Variants in ERBB4 observed in about 807,000 individuals in gnomAD.
The protein encoded by ERBB4 is erb-b2 receptor tyrosine kinase 4, also known as receptor tyrosine-protein kinase erbB-4.
Under a neutral mutation model 158.0 loss-of-function variants are expected in ERBB4, and 42 were observed. The observed-to-expected ratio is 0.27, with a 90% CI of 0.21 to 0.34. The LOEUF (loss-of-function observed/expected upper bound fraction) is 0.34. Among genes scored for constraint, ERBB4 ranks in the 10% least tolerant of loss-of-function variants. The pLI, the probability that ERBB4 is intolerant of heterozygous loss-of-function variation, is 1.00. For missense variants in ERBB4, 1,333 were observed against 1,624.1 expected, an observed-to-expected ratio of 0.82 and a Z score of 3.08; for synonymous variants, 583 against 558.7, an observed-to-expected ratio of 1.04 and a Z score of -0.61.
chr2:212,134,676 C>CTTTTTTTT (rs869141215), intron 1 of ERBB4, among the ~76,000 whole-genome samples: 8 of 69,060 alleles, frequency 1.2e-4, no homozygotes, highest in East Asian at 8.3e-4. Flanking sequence ...TAAACACTTT[C>CTTTTTTTT]TTTTTTTTTT....
In ERBB4 at chr2:212,166,009, A is replaced by C. The variant is rs184517430; in HGVS notation, c.83-41106T>G. Among the ~76,000 whole-genome samples, 463 of 152,198 alleles carry C rather than the reference A, an allele frequency of 3.0e-3. 4 individuals carry two copies. Among genetic ancestry groups the C allele is most frequent in the African/African-American group, 0.011 (451 of 41,572 alleles). Reference sequence around the variant, plus strand: ...CATAGATCTATTGTTTTGGTGACATAATTCTTATTTACATTTTAGAAAGTT... The same window carrying C: ...CATAGATCTATTGTTTTGGTGACATCATTCTTATTTACATTTTAGAAAGTT... On this transcript the variant is annotated intron_variant, in intron 1 of 27. Transcript: ENST00000342788.
chr2:212,153,246 G>A (rs2080927680), intron 1 of ERBB4, among the ~76,000 whole-genome samples: 1 of 152,104 alleles, frequency 6.6e-6, no homozygotes, highest in South Asian at 2.1e-4. Context: ...TCTCATCCAG[G>A]TTCCCTGTAC....
intron 17 of ERBB4, among the ~76,000 whole-genome samples, chr2:211,625,104 G>A (rs959680335): frequency 4.6e-5 from 7 of 152,026 alleles, no homozygotes; most frequent in African/African-American, 9.7e-5. Context: ...GAGAGGCTCT[G>A]GGTACCAAAA....
rs556344491 is a variant in ERBB4 at position 211,840,111 on chromosome 2, C to T, written c.422-51952G>A. On this transcript the variant is annotated intron_variant, in intron 3 of 27. Transcript: ENST00000342788. ...CAAATCTCATCTTGAATTGTAACTC[C>T]CATAATTCCCACGTGTTGTGGGAGG... Among the ~76,000 whole-genome samples, 10 of 152,058 alleles carry T rather than the reference C, an allele frequency of 6.6e-5. No individual in the cohort carries two copies. In the South Asian group the frequency reaches 2.1e-3, roughly 32 times the overall value.
chr2:211,828,480 C>T (rs917070443), intron 3 of ERBB4, among the ~76,000 whole-genome samples: 1 of 152,092 alleles, frequency 6.6e-6, no homozygotes, highest in African/African-American at 2.4e-5. Context: ...AGGGTCATCA[C>T]AATGCTGCAG....
intron 19 of ERBB4, among the ~76,000 whole-genome samples, chr2:211,582,891 A>C (rs1466758650): frequency 6.6e-6 from 1 of 152,152 alleles, no homozygotes; most frequent in Non-Finnish European, 1.5e-5. Flanking sequence ...TTTAAGTGCA[A>C]ACTAGGCAAT....
chr2:212,112,652 G>T (rs1013414759), intron 2 of ERBB4, among the ~76,000 whole-genome samples: 1 of 152,018 alleles, frequency 6.6e-6, no homozygotes, highest in Non-Finnish European at 1.5e-5. Flanking sequence ...AATTCTCTGA[G>T]CCTGTTTCAT....
chr2:211,755,446 G>A (rs2075268930), intron 4 of ERBB4, among the ~76,000 whole-genome samples: 1 of 152,150 alleles, frequency 6.6e-6, no homozygotes, highest in South Asian at 2.1e-4. Context: ...AGGTTGCAGT[G>A]AGCCATGATT....
At chr2:212,216,044 TA>T (rs1383150593) in intron 1 of ERBB4, among the ~76,000 whole-genome samples, 2 of 151,364 alleles carry the variant, frequency 1.3e-5, no homozygotes, top group Non-Finnish European at 3.0e-5. Flanking sequence ...ACTCAGTTAA[TA>T]AAAAAAGATT....
chr2:212,172,790 T>C (rs981280153), intron 1 of ERBB4, among the ~76,000 whole-genome samples: 10 of 151,872 alleles, frequency 6.6e-5, no homozygotes, highest in Non-Finnish European at 2.9e-5. Context: ...GGGAGGGTTT[T>C]GGTGGGAAAA....
chr2:211,763,343 T>C (rs1307776399), intron 4 of ERBB4, among the ~76,000 whole-genome samples: 6 of 152,140 alleles, frequency 3.9e-5, no homozygotes, highest in Admixed American at 6.5e-5. Context: ...ATATCTCCTA[T>C]ATAAATTCAT....
chr2:212,234,807 T>C (rs933754354), intron 1 of ERBB4, among the ~76,000 whole-genome samples: 3 of 152,224 alleles, frequency 2.0e-5, no homozygotes, highest in Admixed American at 1.3e-4. Flanking sequence ...TCGTATCCTT[T>C]GTCCACTTTT....
intron 11 of ERBB4, among the ~76,000 whole-genome samples, chr2:211,703,495 C>T (rs918513838): frequency 2.0e-5 from 3 of 152,110 alleles, no homozygotes; most frequent in East Asian, 1.9e-4. Context: ...AATTCTTATG[C>T]AAATTGACTT....
chr2:212,116,347 T>G (rs938454056), intron 2 of ERBB4, among the ~76,000 whole-genome samples: 1 of 152,200 alleles, frequency 6.6e-6, no homozygotes, highest in African/African-American at 2.4e-5. Context: ...ATATTTACTA[T>G]CAGTTATACA....
In ERBB4 at chr2:212,276,330, A is replaced by G. The variant is rs182515063; in HGVS notation, c.83-151427T>C. On this transcript the variant is annotated intron_variant, in intron 1 of 27. Transcript: ENST00000342788. ...TCATAAAGACTATATTACTATCTGG[A>G]GAGCAGAATCTAAACAAACCATCAG... Among the ~76,000 whole-genome samples the G allele has an allele frequency of 1.0e-3, 156 of 151,944 alleles. 2 individuals are homozygous for G. Among genetic ancestry groups the G allele is most frequent in the African/African-American group, 3.7e-3 (153 of 41,510 alleles).
At chr2:212,286,983 AGG>A (rs2086013734) in intron 1 of ERBB4, among the ~76,000 whole-genome samples, 1 of 151,288 alleles carries the variant, frequency 6.6e-6, no homozygotes, top group African/African-American at 2.4e-5. Flanking sequence ...ACCACCAGGG[AGG>A]GGCCCAAGGT....
At chr2:212,333,765 G>A (rs1382507526) in intron 1 of ERBB4, among the ~76,000 whole-genome samples, 1 of 151,842 alleles carries the variant, frequency 6.6e-6, no homozygotes, top group Non-Finnish European at 1.5e-5. Context: ...AGGGATGGAG[G>A]AAAAAGCCTT....
chr2:212,515,365 C>T (rs140670307), intron 1 of ERBB4, among the ~76,000 whole-genome samples: 229 of 152,016 alleles, frequency 1.5e-3, no homozygotes, highest in African/African-American at 5.1e-3. Context: ...TTCAAGTTTA[C>T]AAATTTGAGG....
At chr2:212,127,363 T>C (rs1415318380) in intron 1 of ERBB4, among the ~76,000 whole-genome samples, 8 of 152,122 alleles carry the variant, frequency 5.3e-5, no homozygotes, top group South Asian at 2.1e-4. Context: ...GAGGCCAAGG[T>C]GGGCGGATCA....
Sources: gnomAD v4.1 joint callset for allele counts (sites outside exome capture counted in the v4.1 genomes callset) on GRCh38, gnomAD v4.1.1 for gene constraint, MANE v1.5 for transcripts, NCBI Gene and HGNC (gene_info 2026-07-23, HGNC 2026-07-21) for gene names.